Variants in ZDHHC21 observed in about 807,000 individuals in gnomAD.
The protein encoded by ZDHHC21 is palmitoyltransferase ZDHHC21.
A neutral mutation model predicts 34.6 loss-of-function variants in ZDHHC21; 15 were observed. The observed-to-expected ratio is 0.43, with a 90% CI of 0.29 to 0.67. The LOEUF (loss-of-function observed/expected upper bound fraction) is 0.67, where lower values mean the gene tolerates loss of function less well. ZDHHC21 is among the 30% of genes least tolerant of loss of function. The pLI, the probability that ZDHHC21 is intolerant of heterozygous loss-of-function variation, is 0.14. For synonymous variants in ZDHHC21, 142 were observed against 101.8 expected, an observed-to-expected ratio of 1.40 and a Z score of -2.38; for missense variants, 344 against 327.7, an observed-to-expected ratio of 1.05 and a Z score of -0.38.
At chr9:14,656,444 T>C (rs1252488341) in intron 7 of ZDHHC21, among the ~76,000 whole-genome samples, 2 of 151,916 alleles carry the variant, frequency 1.3e-5, no homozygotes, top group Admixed American at 6.6e-5. Context: ...ACTTCATTCA[T>C]TGAGATAACA....
At chr9:14,679,189 T>C (rs1836936760) in intron 3 of ZDHHC21, among the ~76,000 whole-genome samples, 1 of 152,140 alleles carries the variant, frequency 6.6e-6, no homozygotes, top group Non-Finnish European at 1.5e-5. Flanking sequence ...GTTAGCAATA[T>C]GTATACTGAA....
the ZDHHC21 span, among the ~76,000 whole-genome samples, chr9:14,600,553 A>G: frequency 0.033 from 5,082 of 152,330 alleles, 119 homozygotes; most frequent in Non-Finnish European, 0.046. Context: ...GGAAGAATCA[A>G]TATGGTGAAA....
intron 6 of ZDHHC21, among the ~76,000 whole-genome samples, chr9:14,660,612 C>T (rs1833214852): frequency 6.6e-6 from 1 of 152,062 alleles, no homozygotes. Context: ...CTCTTTAGGT[C>T]CCTTGTCTAC....
intron 7 of ZDHHC21, among the ~76,000 whole-genome samples, chr9:14,655,460 C>G (rs10961639): frequency 0.24 from 37,069 of 151,622 alleles, 5,059 homozygotes; most frequent in East Asian, 0.34. Context: ...ACTTGTATAA[C>G]AATATAACAC....
At chr9:14,601,934 G>T in the ZDHHC21 span, among the ~76,000 whole-genome samples, 2 of 152,026 alleles carry the variant, frequency 1.3e-5, no homozygotes, top group Non-Finnish European at 2.9e-5. Flanking sequence ...CTCATAAGTG[G>T]GAGTTGAACA....
At chr9:14,644,182 T>G (rs1262304976) in intron 7 of ZDHHC21, among the ~76,000 whole-genome samples, 1 of 152,182 alleles carries the variant, frequency 6.6e-6, no homozygotes, top group Non-Finnish European at 1.5e-5. Context: ...TTTCATTGTC[T>G]AAAGGTTTGT....
intron 8 of ZDHHC21, chr9:14,622,620 T>G: frequency 1.0e-6 from 1 of 985,036 alleles, no homozygotes; most frequent in Non-Finnish European, 1.2e-6. Context: ...GAGTTCATTC[T>G]CACCAAGCAA....
chr9:14,658,202 A>C (rs1430088757), intron 7 of ZDHHC21, among the ~76,000 whole-genome samples: 1 of 152,206 alleles, frequency 6.6e-6, no homozygotes, highest in Non-Finnish European at 1.5e-5. Flanking sequence ...ACCAAGACAC[A>C]CGTATTGAAA....
In ZDHHC21 at chr9:14,612,954, T is replaced by G. The variant is rs533559599; in HGVS notation, c.*6012A>C. ...TATTTTGTTTCAGTATTCACTAAAG[T>G]GCCCAATAAGCTATATAGTTCATTT... is the stretch of plus-strand genomic sequence containing the variant. On this transcript the variant is annotated 3_prime_UTR_variant, in exon 10 of 10. Coordinates refer to ENST00000380916, the MANE Select transcript of ZDHHC21 (RefSeq NM_178566.6). 3.3e-5 allele frequency: 5 copies of G among 151,770 alleles called. No individual in the cohort carries two copies. The East Asian group carries it at 9.7e-4, about 29-fold the overall frequency. The allele number at this position is 151,770 out of a possible 1,614,324, so 9.4% of individuals were successfully genotyped here.
chr9:14,623,184 C>T (rs1175124657), intron 8 of ZDHHC21, among the ~76,000 whole-genome samples: 3 of 149,258 alleles, frequency 2.0e-5, no homozygotes, highest in African/African-American at 7.5e-5. Flanking sequence ...AATGAGATTA[C>T]ATCAAACAAA....
chr9:14,648,131 C>T (rs866712133), intron 7 of ZDHHC21, among the ~76,000 whole-genome samples: 4 of 152,082 alleles, frequency 2.6e-5, no homozygotes, highest in Non-Finnish European at 4.4e-5. Flanking sequence ...CTTGACGTTT[C>T]GCATTCTATC....
intron 8 of ZDHHC21, among the ~76,000 whole-genome samples, chr9:14,623,939 T>C (rs1825761104): frequency 6.6e-6 from 1 of 151,974 alleles, no homozygotes; most frequent in Non-Finnish European, 1.5e-5. Flanking sequence ...ATGCAGTCAT[T>C]ATAAAAAACA....
At chr9:14,655,687 A>C (rs1351030276) in intron 7 of ZDHHC21, among the ~76,000 whole-genome samples, 1 of 152,000 alleles carries the variant, frequency 6.6e-6, no homozygotes, top group Non-Finnish European at 1.5e-5. Flanking sequence ...GAGTAAAAGA[A>C]AAAGCCATTA....
At chr9:14,589,274 T>C in the ZDHHC21 span, 1 of 152,156 alleles carries the variant, frequency 6.6e-6, no homozygotes, top group Non-Finnish European at 1.5e-5. Context: ...TGGAGGCTCC[T>C]GTAACAAGAA....
At chr9:14,684,411 GACAA>G (rs1249350323) in intron 2 of ZDHHC21, among the ~76,000 whole-genome samples, 5 of 147,474 alleles carry the variant, frequency 3.4e-5, no homozygotes, top group East Asian at 1.9e-4. Context: ...ACCAACAACA[GACAA>G]ACAGAGAGCC....
chr9:14,684,878 G>A (rs1838030197), intron 2 of ZDHHC21, among the ~76,000 whole-genome samples: 1 of 152,148 alleles, frequency 6.6e-6, no homozygotes, highest in Admixed American at 6.5e-5. Flanking sequence ...GAACAGAACA[G>A]AGCCCCCAGA....
chr9:14,614,300 T>C lies in ZDHHC21; in HGVS notation c.*4666A>G, dbSNP rs979559613. The C allele has an allele frequency of 2.3e-4, 1 of 4,288 alleles. No individual in the cohort carries two copies. The highest frequency in any genetic ancestry group is 8.9e-4 in the Non-Finnish European group (1 of 1,122). The allele number at this position is 4,288 out of a possible 1,614,324, so 0.3% of individuals were successfully genotyped here. ...TAATGGAAAGTATCAGTAATATCAA[T>C]GACTTTTTAAAATACCATTGTTATT... On this transcript the variant is annotated 3_prime_UTR_variant, in exon 10 of 10. Transcript: ENST00000380916.
chr9:14,606,223 C>A (rs1479376418), downstream of ZDHHC21, among the ~76,000 whole-genome samples: 1 of 152,116 alleles, frequency 6.6e-6, no homozygotes, highest in Non-Finnish European at 1.5e-5. Context: ...GACACTCTTC[C>A]CATGAAATGG....
At chr9:14,648,909 G>T (rs989286293) in intron 7 of ZDHHC21, among the ~76,000 whole-genome samples, 1 of 151,404 alleles carries the variant, frequency 6.6e-6, no homozygotes, top group Non-Finnish European at 1.5e-5. Flanking sequence ...ACTTTTCTGT[G>T]TTTTTATAAG....
Sources: gnomAD v4.1 joint callset for allele counts (sites outside exome capture counted in the v4.1 genomes callset) on GRCh38, gnomAD v4.1.1 for gene constraint, MANE v1.5 for transcripts, NCBI Gene and HGNC (gene_info 2026-07-23, HGNC 2026-07-21) for gene names.